The following PDE1A variants were observed in gnomAD, a reference collection of about 807,000 sequenced individuals.
The protein encoded by PDE1A is dual specificity calcium/calmodulin-dependent 3',5'-cyclic nucleotide phosphodiesterase 1A.
A neutral mutation model predicts 61.7 loss-of-function variants in PDE1A; 35 were observed. That is an observed-to-expected ratio of 0.57 (90% CI 0.43 to 0.75). The LOEUF (loss-of-function observed/expected upper bound fraction) is 0.75, where lower values mean the gene tolerates loss of function less well. PDE1A is among the 30% of genes least tolerant of loss of function. The probability of loss-of-function intolerance (pLI) is 0.00; values close to 1 mark genes in which losing one functional copy is unlikely to be tolerated. For missense variants in PDE1A, 597 were observed against 630.6 expected, an observed-to-expected ratio of 0.95 and a Z score of 0.57; for synonymous variants, 232 against 213.2, an observed-to-expected ratio of 1.09 and a Z score of -0.77.
rs111610159 is a variant in PDE1A, at chr2:182,140,257, A to T, written c.*2825T>A. The T allele has an allele frequency of 1.4e-3, 219 of 152,296 alleles. 2 individuals are homozygous for T. The highest frequency in any genetic ancestry group is 6.8e-3 in the Middle Eastern group (2 of 294). The allele number at this position is 152,296 out of a possible 1,614,324, so 9.4% of individuals were successfully genotyped here. A position where few individuals can be genotyped will look rare whatever the true frequency, so the allele number is the denominator to read the frequency against. ...TATAAGACTTGAAATTTCTAGAGGA[A>T]ATATTGCCATATGCATATATGCACC... is the stretch of plus-strand genomic sequence containing the variant. On this transcript the variant is annotated 3_prime_UTR_variant, in exon 15 of 15. Coordinates refer to the PDE1A transcript ENST00000435564.
chr2:182,392,959 A>G (rs539621806), intron 1 of PDE1A, among the ~76,000 whole-genome samples: 1 of 152,212 alleles, frequency 6.6e-6, no homozygotes, highest in Admixed American at 6.5e-5. Flanking sequence ...CCAGATACAC[A>G]GTGTAAGCTG....
At chr2:182,177,539 T>C (rs1301638805) in intron 13 of PDE1A, among the ~76,000 whole-genome samples, 1 of 152,124 alleles carries the variant, frequency 6.6e-6, no homozygotes, top group Non-Finnish European at 1.5e-5. Context: ...ATTGCTTGTT[T>C]TGGTGAGGGT....
At chr2:182,577,931 C>CGGAGGGAA in the PDE1A span, among the ~76,000 whole-genome samples, 1 of 82,200 alleles carries the variant, frequency 1.2e-5, no homozygotes, top group Non-Finnish European at 2.2e-5. Flanking sequence ...AGAAAGAAAA[C>CGGAGGGAA]GGAAGGAAGG....
At chr2:182,688,577 C>A in the PDE1A span, among the ~76,000 whole-genome samples, 3 of 152,128 alleles carry the variant, frequency 2.0e-5, no homozygotes, top group African/African-American at 7.2e-5. Flanking sequence ...CAAAAACATG[C>A]CAAATTGTAA....
intron 1 of PDE1A, among the ~76,000 whole-genome samples, chr2:182,361,417 A>G (rs982664557): frequency 6.6e-5 from 10 of 152,104 alleles, no homozygotes; most frequent in African/African-American, 2.2e-4. Flanking sequence ...TTTTTTCCCC[A>G]AAGGATTTGT....
chr2:182,282,444 T>G (rs1335632147), intron 1 of PDE1A, among the ~76,000 whole-genome samples: 1 of 152,032 alleles, frequency 6.6e-6, no homozygotes, highest in African/African-American at 2.4e-5. Flanking sequence ...TCCTTTTGAA[T>G]TAATTAAGTT....
chr2:182,345,813 G>C (rs1284295687), intron 1 of PDE1A, among the ~76,000 whole-genome samples: 1 of 152,118 alleles, frequency 6.6e-6, no homozygotes, highest in Non-Finnish European at 1.5e-5. Flanking sequence ...GACTCTGCCA[G>C]CACTCTCATG....
intron 7 of PDE1A, among the ~76,000 whole-genome samples, chr2:182,210,179 A>G (rs955677789): frequency 6.6e-6 from 1 of 152,254 alleles, no homozygotes; most frequent in Admixed American, 6.5e-5. Context: ...TTCATGGATC[A>G]TATGGTAAGA....
the PDE1A span, among the ~76,000 whole-genome samples, chr2:182,699,918 G>A: frequency 6.6e-6 from 1 of 152,174 alleles, no homozygotes; most frequent in Admixed American, 6.5e-5. Context: ...ATTCCAACCA[G>A]GCCTGCCTCT....
intron 2 of PDE1A, among the ~76,000 whole-genome samples, chr2:182,483,929 T>C (rs1314903453): frequency 6.6e-6 from 1 of 151,842 alleles, no homozygotes. Flanking sequence ...AGAGTAGACA[T>C]CACTATGAAT....
chr2:182,519,234 G>A (rs1167214283), intron 2 of PDE1A, among the ~76,000 whole-genome samples: 1 of 152,028 alleles, frequency 6.6e-6, no homozygotes, highest in Non-Finnish European at 1.5e-5. Context: ...ATAAGAAATA[G>A]GAAGTGTTTT....
the PDE1A span, among the ~76,000 whole-genome samples, chr2:182,695,952 C>G: frequency 6.6e-6 from 1 of 152,202 alleles, no homozygotes; most frequent in African/African-American, 2.4e-5. Context: ...ATCCAGAACA[C>G]TGACAACACC....
At chr2:182,650,871 C>A in the PDE1A span, among the ~76,000 whole-genome samples, 1 of 152,170 alleles carries the variant, frequency 6.6e-6, no homozygotes, top group African/African-American at 2.4e-5. Context: ...AGAATTCTAA[C>A]CTTCTTGGAA....
At chr2:182,183,523 T>A (rs1198537661) in intron 13 of PDE1A, among the ~76,000 whole-genome samples, 1 of 152,088 alleles carries the variant, frequency 6.6e-6, no homozygotes, top group African/African-American at 2.4e-5. Context: ...TACTTGAATA[T>A]AAAATGGTGA....
chr2:182,352,295 T>C (rs1445973045), intron 1 of PDE1A, among the ~76,000 whole-genome samples: 1 of 152,200 alleles, frequency 6.6e-6, no homozygotes, highest in Non-Finnish European at 1.5e-5. Flanking sequence ...CTATGTCACA[T>C]TGCCCCTGTG....
chr2:182,510,595 A>T (rs921727750), intron 2 of PDE1A, among the ~76,000 whole-genome samples: 1 of 152,226 alleles, frequency 6.6e-6, no homozygotes, highest in African/African-American at 2.4e-5. Context: ...CTAGAAGTCA[A>T]GTCTGTTGTG....
At chr2:182,606,162 G>A in the PDE1A span, among the ~76,000 whole-genome samples, 2 of 152,142 alleles carry the variant, frequency 1.3e-5, no homozygotes, top group South Asian at 2.1e-4. Context: ...ATGTATGTAC[G>A]TATGTAGTTA....
At chr2:182,679,187 T>C in the PDE1A span, among the ~76,000 whole-genome samples, 2 of 144,244 alleles carry the variant, frequency 1.4e-5, no homozygotes, top group African/African-American at 2.7e-5. Flanking sequence ...TTATTATTAT[T>C]ATTATTTTTT....
At chr2:182,208,307 T>C (rs936843182) in intron 7 of PDE1A, among the ~76,000 whole-genome samples, 3 of 152,092 alleles carry the variant, frequency 2.0e-5, no homozygotes, top group Non-Finnish European at 4.4e-5. Flanking sequence ...ACAATCATGA[T>C]GGAAGGCAAA....
Sources: gnomAD v4.1 joint callset for allele counts (sites outside exome capture counted in the v4.1 genomes callset) on GRCh38, gnomAD v4.1.1 for gene constraint, MANE v1.5 for transcripts, NCBI Gene and HGNC (gene_info 2026-07-23, HGNC 2026-07-21) for gene names.